SPRED2: variants seen among roughly 807,000 people sequenced by gnomAD.
SPRED2 encodes sprouty-related, EVH1 domain-containing protein 2.
In SPRED2, 47 loss-of-function variants were observed where a neutral mutation model predicts 43.0. The observed-to-expected ratio is 1.09, with a 90% CI of 0.87 to 1.40. The LOEUF (loss-of-function observed/expected upper bound fraction) is 1.40. Ranked by LOEUF, SPRED2 falls within the 40% of genes most tolerant of loss-of-function variation. SPRED2 has a pLI of 0.00. For synonymous variants in SPRED2, 225 were observed against 225.7 expected (o/e 1.00, Z 0.03); for missense variants, 561 against 586.4 (o/e 0.96, Z 0.45).
At chr2:65,309,309 C>T (rs1359586736), downstream of SPRED2, among the ~76,000 whole-genome samples, 1 of 151,700 alleles carries the variant, frequency 6.6e-6, no homozygotes, top group Non-Finnish European at 1.5e-5. Context: ...CAGGACCAGC[C>T]TGGGCAACAG....
intron 1 of SPRED2, among the ~76,000 whole-genome samples, chr2:65,408,821 C>T (rs181908654): frequency 1.3e-5 from 2 of 152,230 alleles, no homozygotes; most frequent in East Asian, 1.9e-4. Context: ...CTTTGTGATC[C>T]GCCTGCCTTG....
intron 1 of SPRED2, among the ~76,000 whole-genome samples, chr2:65,423,671 TATTAC>T (rs1409638535): frequency 6.6e-6 from 1 of 152,178 alleles, no homozygotes; most frequent in East Asian, 1.9e-4. Flanking sequence ...AAGAACACCT[TATTAC>T]ATGATGGGGG....
intron 1 of SPRED2, among the ~76,000 whole-genome samples, chr2:65,380,342 C>A (rs927568248): frequency 2.0e-5 from 3 of 152,158 alleles, no homozygotes; most frequent in African/African-American, 7.2e-5. Flanking sequence ...GTCAAGGCTG[C>A]GTACTCATCC....
chr2:65,395,016 T>C (rs1675722586), intron 1 of SPRED2, among the ~76,000 whole-genome samples: 1 of 152,122 alleles, frequency 6.6e-6, no homozygotes, highest in Non-Finnish European at 1.5e-5. Flanking sequence ...AGATATCCGG[T>C]GGCCAGGATT....
intron 1 of SPRED2, among the ~76,000 whole-genome samples, chr2:65,391,132 C>CATGAGCTTGTCACTTT (rs1045687679): frequency 2.0e-5 from 3 of 150,996 alleles, no homozygotes; most frequent in African/African-American, 7.3e-5. Context: ...ACACAGGCCC[C>CATGAGCTTGTCACTTT]ATGAGCTTGT....
chr2:65,337,448 T>C (rs1673999074), intron 2 of SPRED2, among the ~76,000 whole-genome samples: 1 of 151,754 alleles, frequency 6.6e-6, no homozygotes, highest in Non-Finnish European at 1.5e-5. Flanking sequence ...TTGTGGGAGA[T>C]TTAAGTATTA....
Position 65,334,764 on chromosome 2 carries a change from C to A in SPRED2, c.214G>T (p.Glu72Ter), listed in dbSNP as rs1315444949. Residue 72 changes from glutamate to a stop codon, truncating the protein, a stop_gained, in exon 3 of 6, where the codon GAA becomes TAA. Transcript: ENST00000356388. LOFTEE classifies it high-confidence loss of function. Reference protein sequence around the residue: ...ERQKDKLVVLECYVRKDLVYT... With the variant: ...ERQKDKLVVL ...ACCAAGTCCTTTCTTACATAGCATT[C>A]CAATACCACCTGAAGGATGGAAACA... 1.2e-6 allele frequency: 2 copies of A among 1,614,156 alleles called. No individual in the cohort carries two copies. The highest frequency in any genetic ancestry group is 1.7e-5 in the Admixed American group (1 of 60,016).
intron 1 of SPRED2, among the ~76,000 whole-genome samples, chr2:65,404,430 T>G (rs1015044196): frequency 2.6e-5 from 4 of 152,184 alleles, no homozygotes; most frequent in African/African-American, 9.7e-5. Context: ...CCAAACCAAG[T>G]TGTTTCAAAA....
At chr2:65,361,882 G>A (rs1572869680) in intron 1 of SPRED2, among the ~76,000 whole-genome samples, 1 of 152,210 alleles carries the variant, frequency 6.6e-6, no homozygotes, top group East Asian at 1.9e-4. Flanking sequence ...AATTCAAGAG[G>A]CCCAGTCAAA....
intron 1 of SPRED2, among the ~76,000 whole-genome samples, chr2:65,353,768 C>A (rs1674573106): frequency 6.6e-6 from 1 of 152,150 alleles, no homozygotes; most frequent in Non-Finnish European, 1.5e-5. Flanking sequence ...TAACTTATCA[C>A]TGATGTTAAA....
At chr2:65,336,399 T>C (rs921068866) in intron 2 of SPRED2, among the ~76,000 whole-genome samples, 1 of 151,128 alleles carries the variant, frequency 6.6e-6, no homozygotes, top group Non-Finnish European at 1.5e-5. Context: ...AAGGGTTGTC[T>C]AATGAATGTT....
chr2:65,389,695 G>A (rs1164033850), intron 1 of SPRED2, among the ~76,000 whole-genome samples: 1 of 152,096 alleles, frequency 6.6e-6, no homozygotes, highest in Non-Finnish European at 1.5e-5. Context: ...TTCTGGCATC[G>A]TTCTCAGAAA....
At chr2:65,368,216 T>C (rs940750634) in intron 1 of SPRED2, among the ~76,000 whole-genome samples, 1 of 152,206 alleles carries the variant, frequency 6.6e-6, no homozygotes, top group Admixed American at 6.5e-5. Context: ...TAAAGGACCC[T>C]GTCTAATAGG....
At chr2:65,380,570 T>C (rs1034334989) in intron 1 of SPRED2, 3 of 152,238 alleles carry the variant, frequency 2.0e-5, no homozygotes, top group Admixed American at 2.0e-4. Context: ...TGGACTTATT[T>C]ACCAAACTTA....
intron 3 of SPRED2, chr2:65,334,360 T>G: frequency 1.7e-6 from 1 of 602,090 alleles, no homozygotes; most frequent in Non-Finnish European, 3.2e-6. Flanking sequence ...AGAACCTGCC[T>G]GTTTTTTCAC....
At chr2:65,320,849 T>C (rs545544357) in intron 4 of SPRED2, among the ~76,000 whole-genome samples, 1 of 152,280 alleles carries the variant, frequency 6.6e-6, no homozygotes, top group Non-Finnish European at 1.5e-5. Context: ...CTGAACTGGC[T>C]CTCCTATAAC....
downstream of SPRED2, chr2:65,308,346 A>C (rs781630526): frequency 3.0e-4 from 300 of 985,340 alleles, no homozygotes; most frequent in Middle Eastern, 5.2e-4. Context: ...TGGCTCCCAG[A>C]AACCCAGCCA....
rs1673101152 is a variant in SPRED2, at chr2:65,312,643, T to A, written c.*858A>T. The A allele has an allele frequency of 1.0e-6, 1 of 985,720 alleles. No homozygotes were observed. The highest frequency in any genetic ancestry group is 1.7e-5 in the African/African-American group (1 of 57,228). 61.1% of individuals were successfully genotyped at this position (985,720 alleles called of 1,614,324 possible). A position where few individuals can be genotyped will look rare whatever the true frequency, so the allele number is the denominator to read the frequency against. Reference sequence around the variant, plus strand: ...TTTTAGAAGTGGTGGCAACACAATTTAAAAAATGTTCTACTTTAGGGGTAA... The same window carrying A: ...TTTTAGAAGTGGTGGCAACACAATTAAAAAAATGTTCTACTTTAGGGGTAA... On this transcript the variant is annotated 3_prime_UTR_variant, in exon 6 of 6. Coordinates refer to ENST00000356388, the MANE Select transcript of SPRED2 (RefSeq NM_181784.3).
intron 1 of SPRED2, among the ~76,000 whole-genome samples, chr2:65,414,987 A>ACTC (rs1185736592): frequency 6.6e-6 from 1 of 152,186 alleles, no homozygotes; most frequent in Non-Finnish European, 1.5e-5. Flanking sequence ...TGGTAGACAC[A>ACTC]GAGTCTTGCT....
Sources: gnomAD v4.1 joint callset for allele counts (sites outside exome capture counted in the v4.1 genomes callset) on GRCh38, gnomAD v4.1.1 for gene constraint, MANE v1.5 for transcripts, NCBI Gene and HGNC (gene_info 2026-07-23, HGNC 2026-07-21) for gene names.